Variants in TSHR observed in about 807,000 individuals in gnomAD.
TSHR encodes the protein thyroid stimulating hormone receptor.
A neutral mutation model predicts 64.1 loss-of-function variants in TSHR; 51 were observed. That is an observed-to-expected ratio of 0.80 (90% CI 0.64 to 1.01). The LOEUF (loss-of-function observed/expected upper bound fraction) is 1.01. Ranked by LOEUF, TSHR falls within the 50% of genes least tolerant of loss-of-function variation. The pLI, the probability that TSHR is intolerant of heterozygous loss-of-function variation, is 0.00. For synonymous variants in TSHR, 361 were observed against 361.9 expected, an observed-to-expected ratio of 1.00 and a Z score of 0.03; for missense variants, 877 against 942.8, an observed-to-expected ratio of 0.93 and a Z score of 0.91.
chr14:81,024,925 G>C (rs1323451784), intron 1 of TSHR, among the ~76,000 whole-genome samples: 3 of 152,140 alleles, frequency 2.0e-5, no homozygotes, highest in Admixed American at 2.0e-4. Context: ...ACAGTGAGAG[G>C]TCACTTTTTA....
At chr14:81,131,228 T>C (rs1246358786) in intron 8 of TSHR, among the ~76,000 whole-genome samples, 2 of 152,086 alleles carry the variant, frequency 1.3e-5, no homozygotes, top group Non-Finnish European at 2.9e-5. Context: ...CCATATCCCA[T>C]CCATCAGAAA....
intron 7 of TSHR, among the ~76,000 whole-genome samples, chr14:81,098,827 A>C (rs1889383635): frequency 6.6e-6 from 1 of 152,118 alleles, no homozygotes; most frequent in Non-Finnish European, 1.5e-5. Context: ...ATGGTGGATT[A>C]GAGAAAGAAC....
chr14:80,978,277 C>A (rs988917962), intron 1 of TSHR, among the ~76,000 whole-genome samples: 1 of 152,158 alleles, frequency 6.6e-6, no homozygotes, highest in Admixed American at 6.5e-5. Flanking sequence ...CCTGTGCCAC[C>A]CAGAATGGGA....
chr14:81,139,559 T>C (rs1169386802), intron 8 of TSHR, 120 bp from the exon 9 acceptor site: 4 of 1,013,180 alleles, frequency 3.9e-6, no homozygotes, highest in Non-Finnish European at 6.1e-6. Flanking sequence ...ATGTACTCAG[T>C]AGAAGAAAGG....
intron 1 of TSHR, among the ~76,000 whole-genome samples, chr14:81,028,953 A>G (rs1884210855): frequency 6.6e-6 from 1 of 151,724 alleles, no homozygotes; most frequent in Non-Finnish European, 1.5e-5. Context: ...GAAATAAAAA[A>G]GGAGTCTATT....
intron 1 of TSHR, among the ~76,000 whole-genome samples, chr14:81,044,067 A>G (rs1286072745): frequency 2.0e-5 from 3 of 152,228 alleles, no homozygotes; most frequent in Non-Finnish European, 4.4e-5. Context: ...AATTACAACA[A>G]AAGCAAAAAT....
At chr14:81,041,873 G>T (rs929407744) in intron 1 of TSHR, among the ~76,000 whole-genome samples, 31 of 152,140 alleles carry the variant, frequency 2.0e-4, no homozygotes, top group African/African-American at 6.0e-4. Flanking sequence ...ATACAATCTA[G>T]GTCTATGTAA....
intron 7 of TSHR, among the ~76,000 whole-genome samples, chr14:81,107,338 A>C (rs765884297): frequency 2.6e-5 from 4 of 152,228 alleles, no homozygotes; most frequent in Non-Finnish European, 5.9e-5. Context: ...ATTCTTTTGC[A>C]TCAACAGGTG....
chr14:81,067,506 G>T (rs1886717538), intron 2 of TSHR, among the ~76,000 whole-genome samples: 1 of 81,938 alleles, frequency 1.2e-5, no homozygotes, highest in South Asian at 4.2e-4. Context: ...TATATATATA[G>T]TGATATATCA....
intron 8 of TSHR, among the ~76,000 whole-genome samples, chr14:81,138,793 A>G (rs1391238499): frequency 2.0e-5 from 3 of 152,218 alleles, no homozygotes; most frequent in African/African-American, 7.2e-5. Context: ...ATCTTCTATG[A>G]GGAATATTTT....
At chr14:80,971,179 C>T (rs1887572505) in intron 1 of TSHR, among the ~76,000 whole-genome samples, 1 of 152,120 alleles carries the variant, frequency 6.6e-6, no homozygotes, top group South Asian at 2.1e-4. Flanking sequence ...GAAGAGGTCC[C>T]TGAATCTTTG....
chr14:81,035,255 G>C (rs1440856969), intron 1 of TSHR, among the ~76,000 whole-genome samples: 1 of 152,174 alleles, frequency 6.6e-6, no homozygotes, highest in African/African-American at 2.4e-5. Flanking sequence ...CTGAAGTGTT[G>C]TGTAAACTGC....
intron 8 of TSHR, among the ~76,000 whole-genome samples, chr14:81,120,021 G>A (rs1890719231): frequency 9.0e-6 from 1 of 111,008 alleles, no homozygotes; most frequent in Non-Finnish European, 1.8e-5. Flanking sequence ...ACACTCTGGG[G>A]ACTGTTGTGG....
intron 1 of TSHR, among the ~76,000 whole-genome samples, chr14:80,973,436 T>G (rs545692482): frequency 3.9e-3 from 276 of 70,744 alleles, no homozygotes; most frequent in Non-Finnish European, 8.3e-3. Flanking sequence ...AAAATCTGTG[T>G]ACTTATTCTC....
intron 1 of TSHR, chr14:81,051,440 G>A (rs1053014617): frequency 6.6e-6 from 1 of 152,070 alleles, no homozygotes; most frequent in Admixed American, 6.6e-5. Flanking sequence ...ATGGTATCTA[G>A]AATGATGACT....
intron 1 of TSHR, among the ~76,000 whole-genome samples, chr14:81,021,998 C>T (rs1336108457): frequency 6.6e-6 from 1 of 151,902 alleles, no homozygotes; most frequent in East Asian, 1.9e-4. Flanking sequence ...TGCGGTGGCT[C>T]ACGCCTGTAA....
chr14:80,994,659 A>C (rs1408673911), intron 1 of TSHR: 2 of 152,160 alleles, frequency 1.3e-5, no homozygotes, highest in Non-Finnish European at 2.9e-5. Flanking sequence ...AATGGTGCTG[A>C]GATATCTGGC....
intron 1 of TSHR, among the ~76,000 whole-genome samples, chr14:81,034,806 A>G (rs935715980): frequency 8.5e-5 from 13 of 152,246 alleles, no homozygotes; most frequent in Admixed American, 4.6e-4. Context: ...TAATGAAAAC[A>G]TAATAATTTG....
intron 1 of TSHR, among the ~76,000 whole-genome samples, chr14:80,970,019 G>T (rs1221182271): frequency 6.6e-6 from 1 of 152,198 alleles, no homozygotes; most frequent in Non-Finnish European, 1.5e-5. Flanking sequence ...TGAACTGACT[G>T]TGAAGATTTC....
Sources: gnomAD v4.1 joint callset for allele counts (sites outside exome capture counted in the v4.1 genomes callset) on GRCh38, gnomAD v4.1.1 for gene constraint, MANE v1.5 for transcripts, NCBI Gene and HGNC (gene_info 2026-07-23, HGNC 2026-07-21) for gene names.